Variants in TGFB1 observed in about 807,000 individuals in gnomAD.
TGFB1 encodes transforming growth factor beta 1, also known as transforming growth factor beta-1 proprotein.
A neutral mutation model predicts 43.8 loss-of-function variants in TGFB1; 19 were observed. The ratio of observed to expected loss-of-function variants is 0.43; its 90% CI spans 0.30 to 0.64. The LOEUF is 0.64. TGFB1 is among the 30% of genes least tolerant of loss of function. The pLI is 0.11. For missense variants in TGFB1, 445 were observed against 529.8 expected (o/e 0.84, Z 1.57); for synonymous variants, 221 against 236.3 (o/e 0.94, Z 0.60).
At chr19:41,344,407 G>A in intron 3 of TGFB1, among the ~76,000 whole-genome samples, 1 of 152,010 alleles carries the variant, frequency 6.6e-6, no homozygotes, top group East Asian at 1.9e-4. Context: ...CCTCCTTTGG[G>A]CTCCCCATCC....
At chr19:41,342,125 C>T (rs72480427) in intron 4 of TGFB1, 45 bp downstream of exon 4, 333 of 1,611,738 alleles carry the variant, frequency 2.1e-4, no homozygotes, top group Admixed American at 8.7e-4. Flanking sequence ...AACACACACA[C>T]GCACACACGT....
chr19:41,332,413 AC>A, intron 5 of TGFB1, 132 bp from the exon 6 acceptor site: 1 of 989,046 alleles, frequency 1.0e-6, no homozygotes, highest in Non-Finnish European at 1.5e-6. Context: ...TCTCCCTTGC[AC>A]CCACTGTGTT....
chr19:41,348,943 T>A (rs2038150679), intron 1 of TGFB1, among the ~76,000 whole-genome samples: 1 of 152,088 alleles, frequency 6.6e-6, no homozygotes, highest in South Asian at 2.1e-4. Flanking sequence ...ACTTTTTAGC[T>A]GTGTGACCTT....
At chr19:41,351,534 G>A (rs12983775) in intron 1 of TGFB1, among the ~76,000 whole-genome samples, 104,277 of 152,094 alleles carry the variant, frequency 0.69, 36,347 homozygotes, top group African/African-American at 0.76. Context: ...GGAAGGGAGG[G>A]GGATGAGGCC....
At chr19:41,341,521 C>T (rs2038055695) in intron 5 of TGFB1, among the ~76,000 whole-genome samples, 1 of 143,926 alleles carries the variant, frequency 6.9e-6, no homozygotes, top group Admixed American at 7.1e-5. Flanking sequence ...ACAAGACTCC[C>T]AGTTCTTTTT....
rs118065340 is a variant in TGFB1 at position 41,341,717 on chromosome 19, C to G, written c.860+166G>C. Among the ~76,000 whole-genome samples the G allele has an allele frequency of 1.0e-3, 153 of 152,178 alleles. 1 individual carries two copies. The East Asian group carries it at 0.024, about 24-fold the overall frequency. On this transcript the variant is annotated intron_variant, in intron 5 of 6. Coordinates refer to ENST00000221930, the MANE Select transcript of TGFB1 (RefSeq NM_000660.7). ...GAGCCACCGCACCTGGCACAAGACTCCTGGTTCTTACACCCAGACCTCATC... is the reference window on the plus strand; with the variant it reads ...GAGCCACCGCACCTGGCACAAGACTGCTGGTTCTTACACCCAGACCTCATC...
intron 2 of TGFB1, among the ~76,000 whole-genome samples, chr19:41,347,105 C>G (rs1439443557): frequency 6.6e-6 from 1 of 152,162 alleles, no homozygotes; most frequent in Non-Finnish European, 1.5e-5. Context: ...TCACTACAGC[C>G]TCGACCTCCT....
At chr19:41,339,717 A>G (rs11466339) in intron 5 of TGFB1, among the ~76,000 whole-genome samples, 2 of 151,936 alleles carry the variant, frequency 1.3e-5, no homozygotes, top group African/African-American at 4.8e-5. Context: ...CCAGCTACTC[A>G]GGAGGCTGAG....
chr19:41,342,291 A>G (rs766137591), intron 3 of TGFB1, 44 bp from the exon 4 acceptor site: 16 of 1,553,772 alleles, frequency 1.0e-5, no homozygotes, highest in Middle Eastern at 1.7e-4. Context: ...AGTGCAGCTC[A>G]CCCAGCCCCT....
At chr19:41,345,181 C>A (rs1848239404) in intron 2 of TGFB1, among the ~76,000 whole-genome samples, 1 of 152,188 alleles carries the variant, frequency 6.6e-6, no homozygotes, top group South Asian at 2.1e-4. Context: ...GCGTGGACAG[C>A]CCACAATGCT....
intron 3 of TGFB1, 28 bp downstream of exon 3, chr19:41,344,719 A>T (rs28395768): frequency 1.3e-6 from 2 of 1,592,400 alleles, no homozygotes; most frequent in Non-Finnish European, 1.7e-6. Context: ...AGGGAGAAAC[A>T]GGGGTGGGAC....
At chr19:41,350,307 C>CTTTTTTTT (rs55873066) in intron 1 of TGFB1, among the ~76,000 whole-genome samples, 1 of 119,730 alleles carries the variant, frequency 8.4e-6, no homozygotes, top group Admixed American at 8.5e-5. Context: ...GTTTTCTTTT[C>CTTTTTTTT]TTTTTTTTTT....
intron 2 of TGFB1, 75 bp from the exon 3 acceptor site, chr19:41,344,939 T>G (rs1272196498): frequency 7.4e-7 from 1 of 1,343,316 alleles, no homozygotes; most frequent in Non-Finnish European, 1.0e-6. Flanking sequence ...ACTGAATCCT[T>G]CACCCCATCT....
intron 1 of TGFB1, 128 bp downstream of exon 1, chr19:41,352,562 T>G (rs2038217766): frequency 8.9e-7 from 1 of 1,127,874 alleles, no homozygotes; most frequent in East Asian, 2.6e-5. Flanking sequence ...CATCACACGT[T>G]CCCTTTGCCC....
intron 5 of TGFB1, among the ~76,000 whole-genome samples, chr19:41,335,821 C>T (rs1319639979): frequency 2.0e-5 from 3 of 151,962 alleles, no homozygotes; most frequent in African/African-American, 4.8e-5. Flanking sequence ...GAGACCCTGT[C>T]GCTACAAAAC....
intron 1 of TGFB1, among the ~76,000 whole-genome samples, chr19:41,349,671 C>A (rs905231264): frequency 3.3e-5 from 5 of 152,078 alleles, no homozygotes; most frequent in African/African-American, 1.2e-4. Flanking sequence ...GCATGAGAAT[C>A]GCTTGAACCT....
Position 41,332,256 on chromosome 19 carries a change from G to T in TGFB1, c.886C>A (p.Arg296=), listed in dbSNP as rs1204546453. ...FSSTEKNCCV[R]QLYIDFRKDL... ...TTGCGGAAGTCAATGTACAGCTGCC[G>T]CACGCAGCAGTTCTTCTCCGTGGAG... Residue 296 remains arginine (R), a synonymous_variant, in exon 6 of 7, where the codon CGG becomes AGG. Transcript: ENST00000221930. The T allele has an allele frequency of 1.2e-6, 2 of 1,614,024 alleles. No homozygotes were observed. The highest frequency in any genetic ancestry group is 1.3e-5 in the African/African-American group (1 of 75,042).
chr19:41,345,058 G>T (rs564479214), intron 2 of TGFB1, among the ~76,000 whole-genome samples, 194 bp from the exon 3 acceptor site: 85 of 152,316 alleles, frequency 5.6e-4, no homozygotes, highest in Non-Finnish European at 5.9e-4. Context: ...GAGAGGAGGG[G>T]TGGAGAAAAA....
chr19:41,352,343 A>ACC (rs11307639), intron 1 of TGFB1, among the ~76,000 whole-genome samples: 25 of 83,556 alleles, frequency 3.0e-4, no homozygotes, highest in East Asian at 3.0e-3. Context: ...GCACCCCACG[A>ACC]CCCCCCCCCC....
Sources: gnomAD v4.1 joint callset for allele counts (sites outside exome capture counted in the v4.1 genomes callset) on GRCh38, gnomAD v4.1.1 for gene constraint, MANE v1.5 for transcripts, NCBI Gene and HGNC (gene_info 2026-07-23, HGNC 2026-07-21) for gene names.